The following TCF12 variants were observed in gnomAD, a reference collection of about 807,000 sequenced individuals.
TCF12 encodes the protein DNA-binding protein HTF4.
A neutral mutation model predicts 86.0 loss-of-function variants in TCF12; 45 were observed. The observed-to-expected ratio is 0.52, with a 90% confidence interval of 0.41 to 0.67. The LOEUF (loss-of-function observed/expected upper bound fraction) is 0.67. Among genes scored for constraint, TCF12 ranks in the 30% least tolerant of loss-of-function variants. TCF12 has a pLI of 0.00. For missense variants in TCF12, 881 were observed against 859.9 expected (o/e 1.02, Z -0.31); for synonymous variants, 330 against 299.6 (o/e 1.10, Z -1.05).
chr15:57,077,572 T>G (rs535661183), intron 4 of TCF12, among the ~76,000 whole-genome samples: 1 of 152,034 alleles, frequency 6.6e-6, no homozygotes, highest in South Asian at 2.1e-4. Flanking sequence ...GATTACAGGC[T>G]GCCGCCACTG....
At chr15:57,272,438 C>T (rs2061186672) in intron 18 of TCF12, among the ~76,000 whole-genome samples, 1 of 152,212 alleles carries the variant, frequency 6.6e-6, no homozygotes, top group South Asian at 2.1e-4. Flanking sequence ...TAGCCGTTTT[C>T]TGGGATACTT....
At chr15:56,966,434 A>C (rs1288087042) in intron 3 of TCF12, among the ~76,000 whole-genome samples, 10 of 152,238 alleles carry the variant, frequency 6.6e-5, no homozygotes, top group Non-Finnish European at 1.0e-4. Context: ...ACCCCCTAAG[A>C]TTAATAAGGT....
intron 6 of TCF12, among the ~76,000 whole-genome samples, chr15:57,174,906 A>C (rs2055797433): frequency 6.6e-6 from 1 of 152,132 alleles, no homozygotes; most frequent in Non-Finnish European, 1.5e-5. Flanking sequence ...AAATTGGGTT[A>C]TAGATTTCAA....
intron 3 of TCF12, among the ~76,000 whole-genome samples, chr15:56,953,547 A>G: frequency 6.6e-6 from 1 of 152,000 alleles, no homozygotes; most frequent in Admixed American, 6.6e-5. Context: ...GAAACCAACT[A>G]GGTGTAGAGT....
chr15:57,131,824 AAAC>A (rs1469686581), intron 5 of TCF12, among the ~76,000 whole-genome samples: 4 of 152,242 alleles, frequency 2.6e-5, no homozygotes, highest in African/African-American at 9.6e-5. Flanking sequence ...GATAAAGGCT[AAAC>A]AACAAATAGT....
chr15:57,207,349 T>C (rs2151798563), intron 8 of TCF12, among the ~76,000 whole-genome samples: 1 of 152,252 alleles, frequency 6.6e-6, no homozygotes, highest in Middle Eastern at 3.4e-3. Flanking sequence ...TCCTTTTTGC[T>C]TTTATGAGGC....
intron 19 of TCF12, among the ~76,000 whole-genome samples, chr15:57,276,020 G>A (rs1317880534): frequency 6.6e-6 from 1 of 152,168 alleles, no homozygotes; most frequent in Non-Finnish European, 1.5e-5. Flanking sequence ...TTCCCCAGCA[G>A]ATAAAACAAA....
At chr15:57,120,903 C>T (rs75023222) in intron 5 of TCF12, among the ~76,000 whole-genome samples, 6,893 of 152,018 alleles carry the variant, frequency 0.045, 444 homozygotes, top group African/African-American at 0.15. Flanking sequence ...ATCACTTGGA[C>T]CCAGGAGATT....
chr15:56,920,046 G>T, intron 2 of TCF12, 58 bp downstream of exon 2: 2 of 1,600,526 alleles, frequency 1.2e-6, no homozygotes, highest in Non-Finnish European at 1.7e-6. Flanking sequence ...TTGTTTGTTT[G>T]TTTGTTTCTT....
At chr15:56,991,316 G>A (rs1178342930) in intron 3 of TCF12, among the ~76,000 whole-genome samples, 4 of 151,886 alleles carry the variant, frequency 2.6e-5, no homozygotes, top group African/African-American at 7.3e-5. Flanking sequence ...CCAGTCTTCC[G>A]TTTCCATCTA....
chr15:57,145,360 C>A (rs1341809911), intron 5 of TCF12, among the ~76,000 whole-genome samples: 1 of 151,956 alleles, frequency 6.6e-6, no homozygotes, highest in African/African-American at 2.4e-5. Context: ...ATTTAGTTGA[C>A]CTCAATGATT....
rs562779558 is a variant in TCF12, at chr15:57,152,358, C to T, written c.326-14044C>T. Reference sequence around the variant, plus strand: ...GAGGTGGCCCTGTTATTGGAACTATCGAGGCAAAACAGTTAACAAAACAAG... The same window carrying T: ...GAGGTGGCCCTGTTATTGGAACTATTGAGGCAAAACAGTTAACAAAACAAG... On this transcript the variant is annotated intron_variant, in intron 5 of 20. Coordinates refer to ENST00000333725, the MANE Select transcript of TCF12 (RefSeq NM_207037.2). Among the ~76,000 whole-genome samples, 27 of 152,016 alleles carry T rather than the reference C, an allele frequency of 1.8e-4. No individual in the cohort carries two copies. In the South Asian group the frequency reaches 2.3e-3, roughly 13 times the overall value.
At chr15:56,988,365 A>G (rs186010546) in intron 3 of TCF12, among the ~76,000 whole-genome samples, 104 of 152,320 alleles carry the variant, frequency 6.8e-4, no homozygotes, top group Non-Finnish European at 1.2e-3. Flanking sequence ...TCATCTTAGT[A>G]TACAGAATAC....
intron 18 of TCF12, among the ~76,000 whole-genome samples, chr15:57,264,810 A>G (rs1167312185): frequency 2.6e-5 from 4 of 151,996 alleles, no homozygotes; most frequent in Non-Finnish European, 4.4e-5. Flanking sequence ...GCTCATTGCA[A>G]CCTCTGCCTC....
chr15:57,070,316 G>A (rs1009952891), intron 4 of TCF12, among the ~76,000 whole-genome samples: 1 of 152,120 alleles, frequency 6.6e-6, no homozygotes, highest in South Asian at 2.1e-4. Flanking sequence ...AAAAGCATCA[G>A]CAGTGGTTTT....
chr15:57,063,723 A>G (rs747954293), intron 3 of TCF12, 27 bp from the exon 4 acceptor site: 87 of 1,573,270 alleles, frequency 5.5e-5, no homozygotes, highest in Non-Finnish European at 7.2e-5. Flanking sequence ...GTTTTTAGAT[A>G]TATCTTTTAT....
At chr15:57,246,714 C>T (rs2151985311) in intron 13 of TCF12, among the ~76,000 whole-genome samples, 1 of 152,256 alleles carries the variant, frequency 6.6e-6, no homozygotes, top group South Asian at 2.1e-4. Flanking sequence ...ATACATCTTA[C>T]TGACACTACA....
intron 3 of TCF12, among the ~76,000 whole-genome samples, chr15:56,976,478 C>G (rs1170071634): frequency 6.6e-6 from 1 of 151,550 alleles, no homozygotes. Flanking sequence ...ACCTCGTCAT[C>G]CGCCCGCCTC....
chr15:57,039,952 C>A (rs541587501), intron 3 of TCF12, among the ~76,000 whole-genome samples: 6 of 152,282 alleles, frequency 3.9e-5, no homozygotes, highest in Admixed American at 3.9e-4. Context: ...ACTCTTTGAT[C>A]TAATATTCTA....
Sources: allele counts gnomAD v4.1 joint callset (sites outside exome capture counted in the v4.1 genomes callset), GRCh38; gene constraint gnomAD v4.1.1; transcripts MANE v1.5; gene names NCBI Gene and HGNC (gene_info 2026-07-23, HGNC 2026-07-21).